The following CLEC19A variants were observed in gnomAD, a reference collection of about 807,000 sequenced individuals.
CLEC19A encodes C-type lectin domain family 19 member A.
A neutral mutation model predicts 26.1 loss-of-function variants in CLEC19A; 21 were observed. That is an observed-to-expected ratio of 0.80 (90% CI 0.57 to 1.16). CLEC19A has a LOEUF of 1.16. CLEC19A is among the 50% of genes most tolerant of loss of function. The pLI is 0.00. For synonymous variants in CLEC19A, 89 were observed against 88.6 expected (o/e 1.00, Z -0.03); for missense variants, 224 against 227.6 (o/e 0.98, Z 0.10).
chr16:19,290,089 C>T (rs1461101137), intron 1 of CLEC19A, among the ~76,000 whole-genome samples: 3 of 151,972 alleles, frequency 2.0e-5, no homozygotes, highest in Admixed American at 6.6e-5. Flanking sequence ...GAGCCAGCAG[C>T]CAGATTCAGT....
intron 1 of CLEC19A, among the ~76,000 whole-genome samples, chr16:19,288,891 T>C (rs1897525651): frequency 6.6e-6 from 1 of 152,210 alleles, no homozygotes; most frequent in South Asian, 2.1e-4. Flanking sequence ...AGTCAGGTTA[T>C]GTAGCCTCTT....
chr16:19,297,537 C>T (rs1181254821), intron 1 of CLEC19A, among the ~76,000 whole-genome samples: 1 of 152,022 alleles, frequency 6.6e-6, no homozygotes, highest in Non-Finnish European at 1.5e-5. Context: ...CTGCTCATCT[C>T]AGAATTATTT....
chr16:19,296,191 TGG>T (rs1023112120), intron 1 of CLEC19A, among the ~76,000 whole-genome samples: 2 of 152,126 alleles, frequency 1.3e-5, no homozygotes, highest in African/African-American at 4.8e-5. Context: ...GCACAGCCGC[TGG>T]GGTTGGGGAC....
At chr16:19,304,689 AG>A (rs1170743639) in intron 3 of CLEC19A, among the ~76,000 whole-genome samples, 1 of 149,916 alleles carries the variant, frequency 6.7e-6, no homozygotes, top group East Asian at 2.0e-4. Flanking sequence ...TGACAGAGCA[AG>A]ACTCCAACTT....
At chr16:19,299,922 T>G (rs1897782057) in intron 2 of CLEC19A, among the ~76,000 whole-genome samples, 1 of 151,968 alleles carries the variant, frequency 6.6e-6, no homozygotes, top group African/African-American at 2.4e-5. Context: ...CGCTGACTTT[T>G]GTTAAGAATA....
At chr16:19,299,801 A>G (rs1897779114) in intron 2 of CLEC19A, among the ~76,000 whole-genome samples, 1 of 152,210 alleles carries the variant, frequency 6.6e-6, no homozygotes, top group East Asian at 1.9e-4. Flanking sequence ...TTCTCAGGCC[A>G]GGTGTGATGT....
intron 4 of CLEC19A, among the ~76,000 whole-genome samples, chr16:19,308,422 A>G (rs1898001102): frequency 6.6e-6 from 1 of 152,242 alleles, no homozygotes; most frequent in African/African-American, 2.4e-5. Context: ...GTTAATGTGA[A>G]TAAAAAAAGA....
intron 1 of CLEC19A, among the ~76,000 whole-genome samples, chr16:19,298,112 C>A (rs1021973437): frequency 6.6e-6 from 1 of 151,766 alleles, no homozygotes. Flanking sequence ...TAACCGGGCA[C>A]GTGCCTGTTA....
Position 19,285,889 on chromosome 16 carries a change from C to T in CLEC19A, c.38C>T (p.Thr13Ile), listed in dbSNP as rs1567250183. 3 of 1,550,554 alleles carry T rather than the reference C, an allele frequency of 1.9e-6. No homozygotes were observed. The highest frequency in any genetic ancestry group is 2.6e-6 in the Non-Finnish European group (3 of 1,146,992). ...ACACTGTGGGCTGCAGCCTTCCTGA[C>T]CCTCCACTCTGCACAGGCCTTTCCA... ...RWTLWAAAFLTLHSAQAFPQT... is the reference protein window; with the variant it reads ...RWTLWAAAFLILHSAQAFPQT... The change falls in exon 1 of 5, where the codon ACC (threonine) becomes ATC (isoleucine). Residue 13 changes from threonine to isoleucine, a missense_variant. Thr to Ile is a moderately conservative substitution (Grantham distance 89, BLOSUM62 -1). Transcript: ENST00000636231.
At chr16:19,289,923 C>T (rs1286796352) in intron 1 of CLEC19A, among the ~76,000 whole-genome samples, 1 of 152,118 alleles carries the variant, frequency 6.6e-6, no homozygotes, top group Admixed American at 6.5e-5. Flanking sequence ...CACTTTCTTC[C>T]AGCCCGCTGG....
chr16:19,306,347 A>G (rs1219914830), intron 3 of CLEC19A, among the ~76,000 whole-genome samples: 1 of 150,982 alleles, frequency 6.6e-6, no homozygotes. Context: ...GGGTCCCACT[A>G]TGTTGCCCAG....
chr16:19,289,616 G>C (rs1007401377), intron 1 of CLEC19A, among the ~76,000 whole-genome samples: 3 of 152,182 alleles, frequency 2.0e-5, no homozygotes, highest in African/African-American at 7.2e-5. Flanking sequence ...GGATGATACG[G>C]ATACTCCCTC....
At chr16:19,290,696 C>T (rs944092917) in intron 1 of CLEC19A, among the ~76,000 whole-genome samples, 1 of 152,138 alleles carries the variant, frequency 6.6e-6, no homozygotes, top group African/African-American at 2.4e-5. Flanking sequence ...AGGGCAGCCA[C>T]CAATTCAACT....
At chr16:19,291,746 C>G (rs1310023508) in intron 1 of CLEC19A, among the ~76,000 whole-genome samples, 1 of 152,162 alleles carries the variant, frequency 6.6e-6, no homozygotes, top group Non-Finnish European at 1.5e-5. Flanking sequence ...GGGGAAATGC[C>G]GTGCAGGCTG....
rs974518044 is a variant in CLEC19A, at chr16:19,310,624, G to A, written c.*1541G>A. 1 of 152,188 alleles carries A rather than the reference G, an allele frequency of 6.6e-6. No individual in the cohort carries two copies. The highest frequency in any genetic ancestry group is 1.5e-5 in the Non-Finnish European group (1 of 68,032). 9.4% of individuals were successfully genotyped at this position (152,188 alleles called of 1,614,324 possible). The stretch of plus-strand genomic sequence containing the variant: ...ATATTATTCAAGCATAAAAAGGAAT[G>A]AAGTAACGATAGATACTACAACCTG... On this transcript the variant is annotated 3_prime_UTR_variant, in exon 5 of 5. Coordinates refer to ENST00000636231, the MANE Select transcript of CLEC19A (RefSeq NM_001256720.2).
intron 3 of CLEC19A, among the ~76,000 whole-genome samples, chr16:19,305,948 A>G (rs1013495761): frequency 6.6e-6 from 1 of 151,808 alleles, no homozygotes; most frequent in Non-Finnish European, 1.5e-5. Flanking sequence ...GGTTCATGCC[A>G]TTCTCCCGCC....
chr16:19,308,485 C>G (rs753791057), intron 4 of CLEC19A, among the ~76,000 whole-genome samples: 9 of 152,190 alleles, frequency 5.9e-5, no homozygotes, highest in Non-Finnish European at 1.2e-4. Flanking sequence ...TTAGCAATCA[C>G]CAGCATCATC....
chr16:19,292,048 A>G (rs185135214), intron 1 of CLEC19A, among the ~76,000 whole-genome samples: 3 of 152,322 alleles, frequency 2.0e-5, no homozygotes, highest in Admixed American at 2.0e-4. Context: ...AAATATCCAC[A>G]GTCTTTAAGA....
intron 2 of CLEC19A, chr16:19,303,769 T>C (rs1457022550): frequency 6.9e-6 from 2 of 289,856 alleles, no homozygotes; most frequent in Non-Finnish European, 1.3e-5. Flanking sequence ...TGTCTCTTCA[T>C]CATATCTTCA....
Sources: allele counts gnomAD v4.1 joint callset (sites outside exome capture counted in the v4.1 genomes callset), GRCh38; gene constraint gnomAD v4.1.1; transcripts MANE v1.5; gene names NCBI Gene and HGNC (gene_info 2026-07-23, HGNC 2026-07-21).